CACNA1E: variants seen among roughly 807,000 people sequenced by gnomAD.
CACNA1E encodes the protein voltage-dependent R-type calcium channel subunit alpha-1E.
Under a neutral mutation model 259.2 loss-of-function variants are expected in CACNA1E, and 40 were observed. The observed-to-expected ratio is 0.15, with a 90% confidence interval of 0.12 to 0.20. The LOEUF is 0.20. CACNA1E is among the 10% of genes least tolerant of loss of function. The pLI is 1.00. For synonymous variants in CACNA1E, 1,104 were observed against 1,138.5 expected (o/e 0.97, Z 0.61); for missense variants, 1,874 against 3,040.1 (o/e 0.62, Z 9.02).
chr1:181,777,045 T>C (rs1660034264), intron 38 of CACNA1E, among the ~76,000 whole-genome samples: 1 of 152,240 alleles, frequency 6.6e-6, no homozygotes, highest in Non-Finnish European at 1.5e-5. Context: ...TACAGAAATA[T>C]TAGGTTGGAG....
chr1:181,637,217 A>G (rs1320573789), intron 6 of CACNA1E, among the ~76,000 whole-genome samples: 3 of 152,222 alleles, frequency 2.0e-5, no homozygotes, highest in African/African-American at 7.2e-5. Context: ...TAAGAGTGAT[A>G]GAAACTTTCT....
intron 6 of CACNA1E, among the ~76,000 whole-genome samples, chr1:181,615,434 C>T (rs985027740): frequency 4.3e-4 from 66 of 152,258 alleles, no homozygotes; most frequent in Admixed American, 1.4e-3. Context: ...ATGATCTGCT[C>T]GCCTCGGCCT....
intron 7 of CACNA1E, among the ~76,000 whole-genome samples, chr1:181,682,463 A>G (rs910079604): frequency 4.6e-5 from 7 of 152,178 alleles, no homozygotes; most frequent in Admixed American, 4.6e-4. Context: ...CAGACTCAGT[A>G]TGGCCACCTC....
Position 181,758,463 on chromosome 1 carries a change from G to GACTA in CACNA1E, c.4495-291_4495-288dup, listed in dbSNP as rs1280532993. Among the ~76,000 whole-genome samples the GACTA allele has an allele frequency of 6.6e-6, 1 of 152,172 alleles. No homozygotes were observed. Among genetic ancestry groups the GACTA allele is most frequent in the East Asian group, 1.9e-4 (1 of 5,190 alleles). On this transcript the variant is annotated intron_variant, in intron 31 of 47. Transcript: ENST00000367573. The surrounding 1 kb of genome is among the most constrained non-coding windows in gnomAD (Gnocchi z 4.2). ...AGGCTCATCCTATTTAATATTAAAT[G>GACTA]ACTAACTCCAGTAACTAACTCTAGA...
intron 1 of CACNA1E, among the ~76,000 whole-genome samples, chr1:181,318,603 C>T (rs1339106080): frequency 1.3e-5 from 2 of 152,196 alleles, no homozygotes; most frequent in Admixed American, 1.3e-4. Context: ...CCTCCGGGCG[C>T]GGGCGGCTCA....
intron 7 of CACNA1E, among the ~76,000 whole-genome samples, chr1:181,686,035 ACT>A: frequency 6.9e-6 from 1 of 145,618 alleles, no homozygotes; most frequent in South Asian, 2.2e-4. Context: ...ACCCGCCCCC[ACT>A]CTCTGCCTCC....
chr1:181,606,585 A>G (rs1365624644), intron 6 of CACNA1E, among the ~76,000 whole-genome samples: 1 of 152,122 alleles, frequency 6.6e-6, no homozygotes, highest in Non-Finnish European at 1.5e-5. Flanking sequence ...TCTCTACTCC[A>G]TGGCCAGAAG....
rs590412 is a variant in CACNA1E, at chr1:181,802,698, A to C, written c.*3864A>C. 0.63 allele frequency: 95,537 copies of C among 152,072 alleles called. 30,300 individuals carry two copies. The highest frequency in any genetic ancestry group is 0.69 in the Non-Finnish European group (46,761 of 67,992). 9.4% of individuals were successfully genotyped at this position (152,072 alleles called of 1,614,324 possible). A position where few individuals can be genotyped will look rare whatever the true frequency, so the allele number is the denominator to read the frequency against. On this transcript the variant is annotated 3_prime_UTR_variant, in exon 48 of 48. Coordinates refer to ENST00000367573, the MANE Select transcript of CACNA1E (RefSeq NM_001205293.3). The stretch of plus-strand genomic sequence containing the variant: ...AAGGTGTAGGGTGTGGGGGTGGACA[A>C]AATGCCCACCTACTGGATAAAAGCT...
At chr1:181,457,994 G>C (rs935550552) in intron 2 of CACNA1E, among the ~76,000 whole-genome samples, 2 of 152,208 alleles carry the variant, frequency 1.3e-5, no homozygotes, top group Non-Finnish European at 2.9e-5. Flanking sequence ...TTCCACACAA[G>C]GTCTAAGTCC....
At chr1:181,374,801 A>G (rs1654979453) in intron 1 of CACNA1E, among the ~76,000 whole-genome samples, 1 of 152,170 alleles carries the variant, frequency 6.6e-6, no homozygotes, top group African/African-American at 2.4e-5. Context: ...GTCTTAAGCA[A>G]CTTTAAACAG....
chr1:181,551,644 G>T (rs2102841370), intron 3 of CACNA1E, among the ~76,000 whole-genome samples: 1 of 152,286 alleles, frequency 6.6e-6, no homozygotes, highest in Non-Finnish European at 1.5e-5. Context: ...CTGTGCAGGG[G>T]AGAGTGGCTG....
chr1:181,408,390 A>G (rs1170522015), intron 1 of CACNA1E, among the ~76,000 whole-genome samples: 4 of 152,256 alleles, frequency 2.6e-5, no homozygotes, highest in African/African-American at 9.6e-5. Flanking sequence ...TTTCTAAAGC[A>G]GTAAAAAATA....
chr1:181,429,068 G>A (rs914873510), intron 2 of CACNA1E, among the ~76,000 whole-genome samples: 21 of 152,116 alleles, frequency 1.4e-4, no homozygotes, highest in Non-Finnish European at 5.9e-5. Context: ...TGTAATCCCA[G>A]CTATTTGGGA....
intron 1 of CACNA1E, among the ~76,000 whole-genome samples, chr1:181,331,302 G>A (rs190899769): frequency 3.3e-5 from 5 of 152,180 alleles, no homozygotes; most frequent in East Asian, 1.9e-4. Context: ...ACGTGATTAC[G>A]GAGGCTGAGA....
intron 37 of CACNA1E, among the ~76,000 whole-genome samples, chr1:181,775,416 G>C (rs1246800058): frequency 1.3e-5 from 2 of 152,216 alleles, no homozygotes; most frequent in Non-Finnish European, 2.9e-5. Context: ...GCCCCTGGTA[G>C]ATTCAGGAGT....
At chr1:181,519,983 A>G (rs1233334944) in intron 3 of CACNA1E, among the ~76,000 whole-genome samples, 2 of 152,136 alleles carry the variant, frequency 1.3e-5, no homozygotes, top group East Asian at 1.9e-4. Context: ...TATGAAGTGA[A>G]GGTAAAACCT....
In CACNA1E at chr1:181,732,507, G is replaced by GCTCAACCCC; in HGVS notation, c.2430_2438dup (p.Asn812_Leu814dup). The GCTCAACCCC allele has an allele frequency of 2.6e-6, 4 of 1,551,392 alleles. No homozygotes were observed. The highest frequency in any genetic ancestry group is 3.5e-6 in the Non-Finnish European group (4 of 1,146,788). ...GAGAGGAGGCGCCGACCATGAACCC[G>GCTCAACCCC]CTCAACCCCCTCAACCCGCTCAGCT... On this transcript the variant is annotated inframe_insertion, in exon 20 of 48. Transcript: ENST00000367573. This position sits in a 1 kb window ranked among gnomAD's most constrained non-coding sequence, Gnocchi z 5.5.
intron 18 of CACNA1E, 148 bp downstream of exon 18, chr1:181,726,310 T>A: frequency 1.7e-6 from 1 of 599,654 alleles, no homozygotes; most frequent in Non-Finnish European, 3.0e-6. Context: ...CAGAGTCTGT[T>A]TTCATGGAAG....
At chr1:181,744,508 C>T (rs1170398734) in intron 25 of CACNA1E, among the ~76,000 whole-genome samples, 6 of 152,142 alleles carry the variant, frequency 3.9e-5, no homozygotes, top group Non-Finnish European at 7.3e-5. Flanking sequence ...GGCTATTCAG[C>T]ACCAAAATGC....
Sources: allele counts gnomAD v4.1 joint callset (sites outside exome capture counted in the v4.1 genomes callset), GRCh38; gene constraint gnomAD v4.1.1; non-coding constraint Gnocchi (gnomAD v3.1); transcripts MANE v1.5; gene names NCBI Gene and HGNC (gene_info 2026-07-23, HGNC 2026-07-21).